The following FTO variants were observed in gnomAD, a reference collection of about 807,000 sequenced individuals.
FTO encodes the protein alpha-ketoglutarate-dependent dioxygenase FTO.
FTO carries 47 observed loss-of-function variants against 63.9 expected under a neutral mutation model. That is an observed-to-expected ratio of 0.74 (90% CI 0.58 to 0.94). FTO has a LOEUF of 0.94. FTO is among the 40% of genes least tolerant of loss of function. The pLI, the probability that FTO is intolerant of heterozygous loss-of-function variation, is 0.00. For missense variants in FTO, 562 were observed against 618.1 expected (o/e 0.91, Z 0.96); for synonymous variants, 207 against 224.4 (o/e 0.92, Z 0.69).
chr16:53,798,661 A>G (rs2078142697), intron 1 of FTO, among the ~76,000 whole-genome samples: 1 of 152,240 alleles, frequency 6.6e-6, no homozygotes. Flanking sequence ...CAAATTCTGT[A>G]GAATTTTCTA....
intron 8 of FTO, among the ~76,000 whole-genome samples, chr16:54,058,803 T>G (rs1335953210): frequency 2.0e-5 from 3 of 152,130 alleles, no homozygotes; most frequent in African/African-American, 7.2e-5. Flanking sequence ...CTTTTTTCCC[T>G]CCTCTCTTTA....
At chr16:53,877,299 C>T (rs2080685096) in intron 5 of FTO, among the ~76,000 whole-genome samples, 1 of 152,206 alleles carries the variant, frequency 6.6e-6, no homozygotes, top group Non-Finnish European at 1.5e-5. Context: ...CCCAAAGGTT[C>T]ATCACTTAAT....
At chr16:53,717,256 A>G (rs1243823942) in intron 1 of FTO, among the ~76,000 whole-genome samples, 3 of 152,080 alleles carry the variant, frequency 2.0e-5, no homozygotes, top group African/African-American at 7.2e-5. Context: ...AAGAAGCAAT[A>G]TGTCAGAATG....
chr16:53,890,790 G>T (rs2081124410), intron 7 of FTO, among the ~76,000 whole-genome samples: 1 of 152,000 alleles, frequency 6.6e-6, no homozygotes, highest in Non-Finnish European at 1.5e-5. Flanking sequence ...ATTTTTATGG[G>T]CTGCTTATAT....
chr16:54,106,804 C>A (rs1446111690), intron 8 of FTO, among the ~76,000 whole-genome samples: 1 of 133,598 alleles, frequency 7.5e-6, no homozygotes, highest in East Asian at 2.1e-4. Flanking sequence ...TATATAATTA[C>A]ATATTATATA....
intron 8 of FTO, among the ~76,000 whole-genome samples, chr16:53,951,754 A>G (rs2082806467): frequency 1.3e-5 from 2 of 152,170 alleles, no homozygotes; most frequent in African/African-American, 4.8e-5. Context: ...AAGCATAATT[A>G]GAATATTGGA....
At chr16:54,101,122 C>CTT (rs35569804) in intron 8 of FTO, among the ~76,000 whole-genome samples, 8,706 of 147,348 alleles carry the variant, frequency 0.059, 334 homozygotes, top group Admixed American at 0.078. Context: ...TTTTTTCTTT[C>CTT]TTTTTTTTTT....
At chr16:53,754,130 C>T (rs537878382) in intron 1 of FTO, among the ~76,000 whole-genome samples, 2 of 152,262 alleles carry the variant, frequency 1.3e-5, no homozygotes, top group South Asian at 2.1e-4. Context: ...TAGATGGCTT[C>T]TTATTAAATG....
At chr16:53,740,212 GTGGCTTTGTGACATT>G (rs2076499058) in intron 1 of FTO, among the ~76,000 whole-genome samples, 1 of 152,150 alleles carries the variant, frequency 6.6e-6, no homozygotes, top group African/African-American at 2.4e-5. Context: ...GACAGCTAGA[GTGGCTTTGTGACATT>G]GTGCCCACAA....
intron 7 of FTO, among the ~76,000 whole-genome samples, chr16:53,918,185 G>T (rs2081926615): frequency 6.6e-6 from 1 of 152,150 alleles, no homozygotes; most frequent in Admixed American, 6.5e-5. Flanking sequence ...GTTGCTTAAT[G>T]ATGGGGATAT....
chr16:53,799,175 T>A (rs1055742116), intron 1 of FTO, among the ~76,000 whole-genome samples: 3 of 152,174 alleles, frequency 2.0e-5, no homozygotes, highest in African/African-American at 7.2e-5. Context: ...GATATTGGTC[T>A]GTAGTTTTCT....
intron 2 of FTO, among the ~76,000 whole-genome samples, chr16:53,814,267 C>T (rs1418361329): frequency 6.6e-6 from 1 of 152,188 alleles, no homozygotes; most frequent in Non-Finnish European, 1.5e-5. Flanking sequence ...CGAGGAATTA[C>T]ATAGTCAGAA....
At chr16:53,846,762 A>C (rs2079632598) in intron 4 of FTO, among the ~76,000 whole-genome samples, 1 of 150,854 alleles carries the variant, frequency 6.6e-6, no homozygotes, top group Non-Finnish European at 1.5e-5. Flanking sequence ...AGATTGCACC[A>C]CTGCACTCCG....
chr16:53,752,723 GTCT>G (rs1213407233), intron 1 of FTO, among the ~76,000 whole-genome samples: 30 of 152,234 alleles, frequency 2.0e-4, no homozygotes, highest in Admixed American at 1.8e-3. Flanking sequence ...TTTTAACACT[GTCT>G]TCTAACCCAG....
intron 8 of FTO, among the ~76,000 whole-genome samples, chr16:53,960,373 G>A (rs1599093298): frequency 6.6e-6 from 1 of 152,206 alleles, no homozygotes; most frequent in Admixed American, 6.5e-5. Flanking sequence ...TGCCGTGCGT[G>A]GCACTGGTGC....
chr16:53,983,049 G>C (rs1041265376), intron 8 of FTO, among the ~76,000 whole-genome samples: 9 of 152,052 alleles, frequency 5.9e-5, no homozygotes, highest in Non-Finnish European at 1.3e-4. Context: ...GCCTCACATG[G>C]TAAAGTAATT....
intron 1 of FTO, among the ~76,000 whole-genome samples, chr16:53,714,515 T>C (rs2075848552): frequency 6.6e-6 from 1 of 152,164 alleles, no homozygotes; most frequent in Non-Finnish European, 1.5e-5. Context: ...TTTTTGTCTG[T>C]CAGCACAACA....
At chr16:53,936,268 C>T (rs12446738) in intron 8 of FTO, among the ~76,000 whole-genome samples, 3 of 152,112 alleles carry the variant, frequency 2.0e-5, no homozygotes, top group Non-Finnish European at 2.9e-5. Flanking sequence ...GTGCAGACCC[C>T]CTTAAAACTA....
At chr16:53,839,968 C>A (rs2079426175) in intron 3 of FTO, among the ~76,000 whole-genome samples, 1 of 151,828 alleles carries the variant, frequency 6.6e-6, no homozygotes, top group African/African-American at 2.4e-5. Context: ...CCACACCCAG[C>A]TAATTTTTGC....
Sources: allele counts gnomAD v4.1 joint callset (sites outside exome capture counted in the v4.1 genomes callset), GRCh38; gene constraint gnomAD v4.1.1; transcripts MANE v1.5; gene names NCBI Gene and HGNC (gene_info 2026-07-23, HGNC 2026-07-21).